The following FOCAD variants were observed in gnomAD, a reference collection of about 807,000 sequenced individuals.
The protein encoded by FOCAD is KIAA1797.
FOCAD carries 198 observed loss-of-function variants against 225.6 expected under a neutral mutation model. That is an observed-to-expected ratio of 0.88 (90% CI 0.78 to 0.99). The LOEUF (loss-of-function observed/expected upper bound fraction) is 0.99. Ranked by LOEUF, FOCAD falls within the 50% of genes least tolerant of loss-of-function variation. The pLI is 0.00. For synonymous variants in FOCAD, 897 were observed against 755.0 expected (o/e 1.19, Z -3.08); for missense variants, 2,713 against 2,123.6 (o/e 1.28, Z -5.46).
chr9:20,860,733 A>G (rs1564082122), intron 15 of FOCAD, among the ~76,000 whole-genome samples: 2 of 151,984 alleles, frequency 1.3e-5, no homozygotes, highest in South Asian at 2.1e-4. Flanking sequence ...CTGGTCTCGA[A>G]CTCCTGACCT....
intron 21 of FOCAD, among the ~76,000 whole-genome samples, chr9:20,897,474 T>TA (rs1020581019): frequency 1.3e-5 from 2 of 151,674 alleles, no homozygotes; most frequent in African/African-American, 4.8e-5. Context: ...TTTTTGTCCT[T>TA]ACGGTTTCAA....
At chr9:20,787,249 A>T (rs553726251) in intron 10 of FOCAD, among the ~76,000 whole-genome samples, 2 of 152,212 alleles carry the variant, frequency 1.3e-5, no homozygotes, top group African/African-American at 4.8e-5. Flanking sequence ...AATTATATTC[A>T]TTTACATAAG....
chr9:20,854,029 T>C (rs537596719), intron 15 of FOCAD, among the ~76,000 whole-genome samples: 1 of 151,870 alleles, frequency 6.6e-6, no homozygotes, highest in East Asian at 1.9e-4. Context: ...GATGATGACT[T>C]GAGTCCTTTA....
chr9:20,777,579 A>G (rs1024151533), intron 8 of FOCAD, among the ~76,000 whole-genome samples: 1 of 152,034 alleles, frequency 6.6e-6, no homozygotes, highest in African/African-American at 2.4e-5. Flanking sequence ...GCTCTGCTAC[A>G]TTTAAATATG....
intron 26 of FOCAD, among the ~76,000 whole-genome samples, chr9:20,927,583 G>T (rs1835077956): frequency 1.3e-5 from 2 of 151,224 alleles, no homozygotes; most frequent in Admixed American, 1.3e-4. Flanking sequence ...TGTATTCTAA[G>T]ATTTGAAGCA....
At chr9:20,907,022 T>A in intron 21 of FOCAD, 128 bp from the exon 22 acceptor site, 1 of 669,910 alleles carries the variant, frequency 1.5e-6, no homozygotes, top group Admixed American at 2.7e-5. Flanking sequence ...GTTCTGATCC[T>A]AGACTGATTT....
intron 2 of FOCAD, among the ~76,000 whole-genome samples, chr9:20,668,880 C>T (rs10964650): frequency 0.13 from 20,319 of 151,606 alleles, 1,687 homozygotes; most frequent in Non-Finnish European, 0.19. Context: ...AACTTTATTG[C>T]CCATCCTGTT....
At chr9:20,683,243 A>C (rs189171130), upstream of FOCAD, 5 of 152,222 alleles carry the variant, frequency 3.3e-5, no homozygotes, top group African/African-American at 1.2e-4. Context: ...ACTTAGAAAA[A>C]TATCAATGTC....
rs751650166 is a variant in FOCAD at position 20,990,315 on chromosome 9, C to T, written c.5197C>T (p.Leu1733Phe). The change falls in exon 42 of 44, where the codon CTT (leucine) becomes TTT (phenylalanine). Residue 1733 changes from leucine to phenylalanine, a missense_variant. Physicochemically the swap from Leu to Phe is conservative, Grantham distance 22. Transcript: ENST00000338382. ...CACTCTGCAGGAGGTTCTCACTCTC[C>T]TTCCCAATAGCATGGCTCTGCTGCT... ...RVTLQEVLTL[L>F]PNSMALLLQK... 1 of 1,614,102 alleles carries T rather than the reference C, an allele frequency of 6.2e-7. No homozygotes were observed. Among genetic ancestry groups the T allele is most frequent in the South Asian group, 1.1e-5 (1 of 91,080 alleles).
intron 35 of FOCAD, among the ~76,000 whole-genome samples, chr9:20,959,714 G>A (rs904863177): frequency 2.6e-5 from 4 of 152,006 alleles, no homozygotes; most frequent in African/African-American, 7.3e-5. Flanking sequence ...TTTGTAGGGC[G>A]AGAGATTGGG....
intron 2 of FOCAD, among the ~76,000 whole-genome samples, chr9:20,665,114 T>C (rs1821859344): frequency 6.6e-6 from 1 of 152,160 alleles, no homozygotes; most frequent in South Asian, 2.1e-4. Context: ...GGCATGTTGA[T>C]TGTTAATGGC....
Position 20,751,685 on chromosome 9 carries a change from A to G in FOCAD, c.393-6405A>G, listed in dbSNP as rs201625280. 4.7e-5 allele frequency among the ~76,000 whole-genome samples: 7 copies of G among 148,696 alleles called. No individual in the cohort carries two copies. The East Asian group carries it at 5.9e-4, about 13-fold the overall frequency. On this transcript the variant is annotated intron_variant, in intron 5 of 43. Transcript: ENST00000338382. ...TGGGTATATACCCAGTAATGGGATG[A>G]CTGGGTCAAATGGTATTTCTAGTTC...
intron 36 of FOCAD, among the ~76,000 whole-genome samples, chr9:20,977,714 A>C (rs761984467): frequency 5.9e-5 from 9 of 152,200 alleles, no homozygotes; most frequent in Admixed American, 1.3e-4. Context: ...GACTACATAC[A>C]ATTTTTCACT....
At chr9:20,734,908 G>C (rs1827017784) in intron 4 of FOCAD, among the ~76,000 whole-genome samples, 2 of 152,150 alleles carry the variant, frequency 1.3e-5, no homozygotes, top group Admixed American at 1.3e-4. Flanking sequence ...AAAGTGCTGG[G>C]ATTATAGGAA....
intron 35 of FOCAD, among the ~76,000 whole-genome samples, chr9:20,965,710 T>G (rs141988723): frequency 6.6e-6 from 1 of 152,194 alleles, no homozygotes; most frequent in Non-Finnish European, 1.5e-5. Flanking sequence ...TCCAAGATCC[T>G]AGCAACCAAT....
At chr9:20,817,800 G>A (rs1004322780) in intron 11 of FOCAD, among the ~76,000 whole-genome samples, 1 of 152,108 alleles carries the variant, frequency 6.6e-6, no homozygotes, top group Non-Finnish European at 1.5e-5. Flanking sequence ...ATGGACATTG[G>A]GTTGTTTCCA....
intron 5 of FOCAD, among the ~76,000 whole-genome samples, chr9:20,756,608 C>G (rs1048260921): frequency 4.6e-5 from 7 of 152,128 alleles, no homozygotes; most frequent in Non-Finnish European, 8.8e-5. Flanking sequence ...TAACTTGCAA[C>G]CAAGAATAGG....
At chr9:20,868,185 A>G (rs1284246021) in intron 18 of FOCAD, among the ~76,000 whole-genome samples, 3 of 152,158 alleles carry the variant, frequency 2.0e-5, no homozygotes, top group Non-Finnish European at 4.4e-5. Context: ...AAGAAAAAGG[A>G]AAAAAGCTAC....
At chr9:20,862,136 A>G (rs780478353) in intron 15 of FOCAD, among the ~76,000 whole-genome samples, 18 of 152,048 alleles carry the variant, frequency 1.2e-4, no homozygotes, top group Admixed American at 2.0e-4. Context: ...TAATACTCCA[A>G]TTTTCTGAGT....
Sources: allele counts gnomAD v4.1 joint callset (sites outside exome capture counted in the v4.1 genomes callset), GRCh38; gene constraint gnomAD v4.1.1; transcripts MANE v1.5; gene names NCBI Gene and HGNC (gene_info 2026-07-23, HGNC 2026-07-21).